The following CAMK4 variants were observed in gnomAD, a reference collection of about 807,000 sequenced individuals.
CAMK4 encodes the protein calcium/calmodulin dependent protein kinase IV.
Under a neutral mutation model 44.9 loss-of-function variants are expected in CAMK4, and 22 were observed. That is an observed-to-expected ratio of 0.49 (90% CI 0.35 to 0.70). The LOEUF (loss-of-function observed/expected upper bound fraction) is 0.70. Ranked by LOEUF, CAMK4 falls within the 30% of genes least tolerant of loss-of-function variation. The pLI is 0.01. For missense variants in CAMK4, 498 were observed against 586.8 expected (o/e 0.85, Z 1.56); for synonymous variants, 218 against 215.4 (o/e 1.01, Z -0.11).
At chr5:111,443,251 T>TAC (rs1753890242) in intron 5 of CAMK4, among the ~76,000 whole-genome samples, 1 of 43,726 alleles carries the variant, frequency 2.3e-5, no homozygotes, top group Non-Finnish European at 4.5e-5. Flanking sequence ...ACCATATATA[T>TAC]ATATATATAT....
In CAMK4 at chr5:111,374,808, G is replaced by A. The variant is rs375406978; in HGVS notation, c.241-42G>A. 61 of 1,203,354 alleles carry A rather than the reference G, an allele frequency of 5.1e-5. No homozygotes were observed. In the African/African-American group the frequency reaches 8.7e-4, roughly 17 times the overall value. 74.5% of individuals were successfully genotyped at this position (1,203,354 alleles called of 1,614,324 possible). Reference sequence around the variant, plus strand: ...TTCTATTTCTCTGCTACAATGAAGGGGGGAGTTTCTTTCAGTTTATCTCTT... The same window carrying A: ...TTCTATTTCTCTGCTACAATGAAGGAGGGAGTTTCTTTCAGTTTATCTCTT... On this transcript the variant is annotated intron_variant, in intron 2 of 10. Transcript: ENST00000282356.
intron 1 of CAMK4, among the ~76,000 whole-genome samples, chr5:111,285,747 T>G (rs1561386180): frequency 6.6e-6 from 1 of 150,926 alleles, no homozygotes; most frequent in Non-Finnish European, 1.5e-5. Context: ...GTCAATGCTA[T>G]TATGGTCCAA....
At chr5:111,422,380 A>G (rs1012386515) in intron 5 of CAMK4, among the ~76,000 whole-genome samples, 4 of 152,222 alleles carry the variant, frequency 2.6e-5, no homozygotes, top group South Asian at 2.1e-4. Context: ...TATTTATACA[A>G]TTATGAACAA....
intron 5 of CAMK4, among the ~76,000 whole-genome samples, chr5:111,401,795 C>A (rs1311053940): frequency 1.3e-5 from 2 of 152,096 alleles, no homozygotes; most frequent in East Asian, 1.9e-4. Flanking sequence ...ACTGGGGGAA[C>A]AAAATGAAGA....
intron 1 of CAMK4, among the ~76,000 whole-genome samples, chr5:111,255,154 G>T (rs1749684603): frequency 6.6e-6 from 1 of 152,116 alleles, no homozygotes; most frequent in Admixed American, 6.5e-5. Context: ...GATGGACATT[G>T]TTTGAAGGTC....
intron 5 of CAMK4, among the ~76,000 whole-genome samples, chr5:111,434,621 T>C (rs76774253): frequency 0.012 from 1,881 of 152,298 alleles, 18 homozygotes; most frequent in South Asian, 0.039. Flanking sequence ...TAGTTCCTTA[T>C]TGCTTTCTCG....
chr5:111,431,981 G>A (rs866083376), intron 5 of CAMK4, among the ~76,000 whole-genome samples: 24 of 152,084 alleles, frequency 1.6e-4, no homozygotes, highest in African/African-American at 5.8e-4. Context: ...GCTACCATAC[G>A]ATCCAGCAAT....
intron 8 of CAMK4, among the ~76,000 whole-genome samples, chr5:111,476,263 G>GTGTT (rs1561511349): frequency 3.0e-5 from 4 of 134,254 alleles, no homozygotes; most frequent in African/African-American, 1.2e-4. Context: ...GTGTGTGTGT[G>GTGTT]TGTGTGTTTG....
chr5:111,244,638 G>A (rs931949289), intron 1 of CAMK4, among the ~76,000 whole-genome samples: 25 of 152,174 alleles, frequency 1.6e-4, no homozygotes, highest in African/African-American at 5.3e-4. Context: ...TGAGGCAGGC[G>A]GATGTCGAGG....
upstream of CAMK4, chr5:111,224,278 G>A: frequency 1.7e-6 from 1 of 595,520 alleles, no homozygotes; most frequent in Non-Finnish European, 2.5e-6. This position sits in a 1 kb window ranked among gnomAD's most constrained non-coding sequence, Gnocchi z 5.7. Flanking sequence ...GCGACTCCGG[G>A]TTCCCCCTCG....
intron 7 of CAMK4, among the ~76,000 whole-genome samples, chr5:111,459,733 C>T (rs1418927480): frequency 1.6e-5 from 2 of 124,180 alleles, no homozygotes; most frequent in African/African-American, 6.6e-5. Context: ...CTCGCTGTGT[C>T]ACCCAGGCTG....
intron 2 of CAMK4, among the ~76,000 whole-genome samples, chr5:111,366,010 A>G (rs551774069): frequency 2.2e-4 from 33 of 152,264 alleles, no homozygotes; most frequent in African/African-American, 7.7e-4. Context: ...TAGTGCCAAC[A>G]TATACTTGTT....
intron 1 of CAMK4, among the ~76,000 whole-genome samples, chr5:111,332,775 A>T (rs1240403027): frequency 6.6e-6 from 1 of 151,610 alleles, no homozygotes; most frequent in Non-Finnish European, 1.5e-5. Context: ...CTTCTCAATT[A>T]AAAAGATTTC....
intron 1 of CAMK4, among the ~76,000 whole-genome samples, chr5:111,330,959 CA>C (rs913968797): frequency 2.0e-5 from 3 of 150,982 alleles, no homozygotes; most frequent in Non-Finnish European, 3.0e-5. Flanking sequence ...ATACCACAAA[CA>C]AAAAAAATTC....
At chr5:111,296,743 A>G (rs1192719972) in intron 1 of CAMK4, among the ~76,000 whole-genome samples, 1 of 152,224 alleles carries the variant, frequency 6.6e-6, no homozygotes, top group Non-Finnish European at 1.5e-5. Flanking sequence ...CAGCTTCATG[A>G]GGATACTATC....
At chr5:111,428,482 C>A (rs1753312020) in intron 5 of CAMK4, among the ~76,000 whole-genome samples, 1 of 152,118 alleles carries the variant, frequency 6.6e-6, no homozygotes, top group Non-Finnish European at 1.5e-5. Context: ...TAAAGAAATT[C>A]AAGATAACAC....
rs77389914 is a variant in CAMK4, at chr5:111,247,029, G to A, written c.161+22385G>A. Reference sequence around the variant, plus strand: ...GGAATTTATTGTGTTTCCTGAAGAAGGTTATGGAAAACATTAGTTCCTCGG... The same window carrying A: ...GGAATTTATTGTGTTTCCTGAAGAAAGTTATGGAAAACATTAGTTCCTCGG... On this transcript the variant is annotated intron_variant, in intron 1 of 10. Coordinates refer to ENST00000282356, the MANE Select transcript of CAMK4 (RefSeq NM_001744.6). Among the ~76,000 whole-genome samples, 554 of 152,154 alleles carry A rather than the reference G, an allele frequency of 3.6e-3. 6 individuals carry two copies. The highest frequency in any genetic ancestry group is 0.012 in the African/African-American group (509 of 41,536).
intron 1 of CAMK4, among the ~76,000 whole-genome samples, chr5:111,238,341 C>T (rs547577528): frequency 5.9e-5 from 9 of 152,194 alleles, no homozygotes; most frequent in South Asian, 4.2e-4. Flanking sequence ...GATGTGCCTT[C>T]GGCAGAAAAT....
chr5:111,357,968 C>T (rs1342404139), intron 2 of CAMK4: 1 of 151,938 alleles, frequency 6.6e-6, no homozygotes, highest in Non-Finnish European at 1.5e-5. Flanking sequence ...TTTATAGATG[C>T]CATGAAGGCC....
Sources: allele counts gnomAD v4.1 joint callset (sites outside exome capture counted in the v4.1 genomes callset), GRCh38; gene constraint gnomAD v4.1.1; non-coding constraint Gnocchi (gnomAD v3.1); transcripts MANE v1.5; gene names NCBI Gene and HGNC (gene_info 2026-07-23, HGNC 2026-07-21).